ANO2: variants seen among roughly 807,000 people sequenced by gnomAD.
ANO2 encodes anoctamin 2, also known as anoctamin-2.
A neutral mutation model predicts 124.2 loss-of-function variants in ANO2; 101 were observed. That is an observed-to-expected ratio of 0.81 (90% confidence interval 0.69 to 0.96). The LOEUF is 0.96. ANO2 is among the 40% of genes least tolerant of loss of function. The pLI is 0.00. For synonymous variants in ANO2, 486 were observed against 482.5 expected, an observed-to-expected ratio of 1.01 and a Z score of -0.09; for missense variants, 1,293 against 1,274.5, an observed-to-expected ratio of 1.01 and a Z score of -0.22.
At chr12:5,684,234 G>A (rs1948615029) in intron 14 of ANO2, among the ~76,000 whole-genome samples, 1 of 152,178 alleles carries the variant, frequency 6.6e-6, no homozygotes, top group African/African-American at 2.4e-5. Context: ...CTGCTCTCTG[G>A]TTTTTCACAG....
chr12:5,610,844 A>ACACACACG (rs1428406983), intron 19 of ANO2, among the ~76,000 whole-genome samples: 11 of 145,076 alleles, frequency 7.6e-5, no homozygotes, highest in African/African-American at 2.8e-4. Context: ...ACACACACAC[A>ACACACACG]CACACACACA....
chr12:5,775,203 G>A (rs897550851), intron 10 of ANO2, among the ~76,000 whole-genome samples: 7 of 151,912 alleles, frequency 4.6e-5, no homozygotes, highest in Non-Finnish European at 2.9e-5. Context: ...TCTTTCCACT[G>A]CTAATTTCAC....
At chr12:5,816,294 T>G (rs1953607768) in intron 7 of ANO2, among the ~76,000 whole-genome samples, 1 of 149,910 alleles carries the variant, frequency 6.7e-6, no homozygotes, top group Non-Finnish European at 1.5e-5. Flanking sequence ...CCATATTATC[T>G]TGGGGCCTCA....
rs1555184518 is a variant in ANO2, at chr12:5,923,078, A to ACATACACACG, written c.23-275_23-274insCGTGTGTATG. Among the ~76,000 whole-genome samples, 10 of 22,266 alleles carry ACATACACACG rather than the reference A, an allele frequency of 4.5e-4. 1 individual carries two copies. Among genetic ancestry groups the ACATACACACG allele is most frequent in the South Asian group, 1.6e-3 (1 of 642 alleles). 14.6% of individuals were successfully genotyped at this position (22,266 alleles called of 152,430 possible). A position where few individuals can be genotyped will look rare whatever the true frequency, so the allele number is the denominator to read the frequency against. Reference sequence around the variant, plus strand: ...CACCCACATACACACACACATGCACACATACACACACACACGCACACACAT... The same window carrying ACATACACACG: ...CACCCACATACACACACACATGCACACATACACACGCATACACACACACACGCACACACAT... On this transcript the variant is annotated intron_variant, in intron 1 of 24. Transcript: ENST00000682330.
rs371466464 is a variant in ANO2, at chr12:5,851,956, C to T, written c.633+2087G>A. 1.5e-5 allele frequency: 11 copies of T among 741,892 alleles called. No individual in the cohort carries two copies. In the East Asian group the frequency reaches 1.7e-4, roughly 12 times the overall value. 46.0% of individuals were successfully genotyped at this position (741,892 alleles called of 1,614,324 possible). ...AACATGGGCATTAGAGTTTTGCTCA[C>T]CTCCTTTCCAAGGATCAGCAGCAGA... On this transcript the variant is annotated intron_variant, in intron 4 of 24. Transcript: ENST00000682330.
intron 10 of ANO2, among the ~76,000 whole-genome samples, chr12:5,778,932 AT>A (rs1322095988): frequency 6.6e-5 from 10 of 152,274 alleles, no homozygotes; most frequent in African/African-American, 2.4e-4. Flanking sequence ...ATCTTGTCTG[AT>A]TTATTTTTTG....
In ANO2 at chr12:5,697,028, T is replaced by A. The variant is rs544613582; in HGVS notation, c.1545+35492A>T. ...TGTACCAGTAAAATACTAAAAGCAG[T>A]CCATTTAAAAACAGGAATAAAATAA... On this transcript the variant is annotated intron_variant, in intron 14 of 24. Transcript: ENST00000682330. Among the ~76,000 whole-genome samples, 7 of 151,752 alleles carry A rather than the reference T, an allele frequency of 4.6e-5. No individual in the cohort carries two copies. The East Asian group carries it at 1.4e-3, about 29-fold the overall frequency.
intron 17 of ANO2, among the ~76,000 whole-genome samples, chr12:5,614,208 A>T (rs899341879): frequency 2.0e-5 from 3 of 152,222 alleles, no homozygotes; most frequent in African/African-American, 7.2e-5. Flanking sequence ...AAAATAAAGA[A>T]TTTCACTGGC....
chr12:5,590,540 C>CCCTTCCCTGCCTT lies in ANO2; in HGVS notation c.2233+8931_2233+8943dup, dbSNP rs565697873. On this transcript the variant is annotated intron_variant, in intron 20 of 24. Transcript: ENST00000682330. ...TCCCCGAAATGGATTCTGGTCTGGG[C>CCCTTCCCTGCCTT]CCTTCCCTGCCTTGTTTGAAGTCTC... 1.3e-4 allele frequency among the ~76,000 whole-genome samples: 20 copies of CCCTTCCCTGCCTT among 152,294 alleles called. No homozygotes were observed. In the South Asian group the frequency reaches 4.1e-3, roughly 32 times the overall value.
intron 3 of ANO2, among the ~76,000 whole-genome samples, chr12:5,854,530 C>G (rs1306993982): frequency 6.6e-6 from 1 of 152,060 alleles, no homozygotes; most frequent in African/African-American, 2.4e-5. Context: ...TGCTCACACT[C>G]AGTGAATAGC....
At chr12:5,626,843 GA>G (rs1211879961) in intron 16 of ANO2, among the ~76,000 whole-genome samples, 1 of 152,212 alleles carries the variant, frequency 6.6e-6, no homozygotes, top group Admixed American at 6.5e-5. Flanking sequence ...ATTCCCTAGT[GA>G]GGGAGAAAAG....
chr12:5,863,653 T>C (rs1433440956), intron 3 of ANO2, among the ~76,000 whole-genome samples: 1 of 152,216 alleles, frequency 6.6e-6, no homozygotes, highest in Non-Finnish European at 1.5e-5. Context: ...TTCACAGTGA[T>C]GGTTTTGAAC....
rs113865080 is a variant in ANO2, at chr12:5,821,926, G to A, written c.892+5843C>T. 8.2e-3 allele frequency among the ~76,000 whole-genome samples: 1,251 copies of A among 152,202 alleles called. 15 individuals are homozygous for A. The highest frequency in any genetic ancestry group is 0.028 in the African/African-American group (1,163 of 41,520). ...TGGTCTTCATTCCTGCCACCCTGCCGTCTCTTCCCCAGTCTACACCAATGG... is the reference window on the plus strand; with the variant it reads ...TGGTCTTCATTCCTGCCACCCTGCCATCTCTTCCCCAGTCTACACCAATGG... On this transcript the variant is annotated intron_variant, in intron 7 of 24. Transcript: ENST00000682330.
intron 11 of ANO2, among the ~76,000 whole-genome samples, chr12:5,745,032 C>T (rs982986028): frequency 2.6e-5 from 4 of 152,184 alleles, no homozygotes; most frequent in Non-Finnish European, 5.9e-5. Flanking sequence ...GGAGCATGAA[C>T]CAAATAATCT....
chr12:5,745,098 A>T (rs936505075), intron 11 of ANO2, among the ~76,000 whole-genome samples: 5 of 152,170 alleles, frequency 3.3e-5, no homozygotes, highest in Non-Finnish European at 4.4e-5. Flanking sequence ...TGGACTGAGG[A>T]ATATATTTGA....
intron 14 of ANO2, among the ~76,000 whole-genome samples, chr12:5,678,219 C>T (rs1948339273): frequency 6.6e-6 from 1 of 152,150 alleles, no homozygotes; most frequent in African/African-American, 2.4e-5. Context: ...TGTCCTGACG[C>T]TGATTGAGAA....
chr12:5,827,656 G>A, intron 7 of ANO2, 113 bp downstream of exon 7: 1 of 1,255,912 alleles, frequency 8.0e-7, no homozygotes, highest in Middle Eastern at 1.8e-4. Context: ...CCTCTCCGTG[G>A]GGGGCATTTG....
intron 10 of ANO2, among the ~76,000 whole-genome samples, chr12:5,776,390 C>T (rs186706364): frequency 6.6e-6 from 1 of 152,342 alleles, no homozygotes; most frequent in Admixed American, 6.5e-5. Flanking sequence ...GTCTTGTCTA[C>T]TTGGCTTCAT....
chr12:5,600,039 A>T (rs1943857725), intron 19 of ANO2, among the ~76,000 whole-genome samples: 1 of 152,214 alleles, frequency 6.6e-6, no homozygotes, highest in Admixed American at 6.5e-5. Context: ...TCTCAATAAC[A>T]TTAATAGCAT....
Sources: gnomAD v4.1 joint callset for allele counts (sites outside exome capture counted in the v4.1 genomes callset) on GRCh38, gnomAD v4.1.1 for gene constraint, MANE v1.5 for transcripts, NCBI Gene and HGNC (gene_info 2026-07-23, HGNC 2026-07-21) for gene names.